The following RGPD3 variants were observed in gnomAD, a reference collection of about 807,000 sequenced individuals.
The protein encoded by RGPD3 is ranBP2-like and GRIP domain-containing protein 3.
RGPD3 carries 62 observed loss-of-function variants against 154.5 expected under a neutral mutation model. The observed-to-expected ratio is 0.40, with a 90% CI of 0.33 to 0.50. The LOEUF is 0.50. RGPD3 is among the 20% of genes least tolerant of loss of function. RGPD3 has a pLI of 0.59. For synonymous variants in RGPD3, 308 were observed against 607.0 expected (o/e 0.51, Z 7.24); for missense variants, 919 against 1,716.8 (o/e 0.54, Z 8.21).
intron 6 of RGPD3, among the ~76,000 whole-genome samples, chr2:106,450,705 CAAAAAAAAAAAAA>C (rs768839840): frequency 1.8e-4 from 8 of 43,246 alleles, no homozygotes; most frequent in East Asian, 5.0e-3. Flanking sequence ...GACTCTGTCT[CAAAAAAAAAAAAA>C]AAAAAAAAAA....
chr2:106,449,627 C>T (rs1379337838), intron 6 of RGPD3, among the ~76,000 whole-genome samples: 2 of 151,972 alleles, frequency 1.3e-5, no homozygotes, highest in Non-Finnish European at 2.9e-5. Context: ...CCTGCAATCC[C>T]AGCACTTTGG....
At chr2:106,468,535 G>A (rs921598666), upstream of RGPD3, among the ~76,000 whole-genome samples, 2 of 152,190 alleles carry the variant, frequency 1.3e-5, no homozygotes, top group South Asian at 2.1e-4. Context: ...GCCGGGCGCC[G>A]TGGCTCACGC....
intron 22 of RGPD3, chr2:106,412,654 G>A (rs1283378814): frequency 1.2e-5 from 5 of 414,612 alleles, no homozygotes; most frequent in Non-Finnish European, 1.9e-5. Flanking sequence ...GTGGACTGCT[G>A]TATATAGACC....
chr2:106,457,009 T>C lies in RGPD3; in HGVS notation c.367A>G (p.Lys123Glu). ...ATTGCAGGACTTCCTGGGAAAAGTT[T>C]TGCTGCTCTTTCCACCCAGTATTCT... Reference protein sequence around the residue: ...RAEYWVERAAKLFPGSPAIYK... With the variant: ...RAEYWVERAAELFPGSPAIYK... Residue 123 changes from lysine (K) to glutamate (E), a missense_variant, in exon 4 of 23, where the codon AAA becomes GAA. Transcript: ENST00000409886. 6.2e-7 allele frequency: 1 copy of C among 1,611,412 alleles called. No homozygotes were observed. Among genetic ancestry groups the C allele is most frequent in the Non-Finnish European group, 8.5e-7 (1 of 1,179,542 alleles).
intron 7 of RGPD3, among the ~76,000 whole-genome samples, chr2:106,444,640 C>T (rs1397632249): frequency 3.6e-5 from 5 of 137,060 alleles, no homozygotes. Flanking sequence ...GCCTGGGAAA[C>T]ATAGCAAGAC....
At chr2:106,437,643 A>T (rs1160552454) in intron 9 of RGPD3, among the ~76,000 whole-genome samples, 1 of 152,244 alleles carries the variant, frequency 6.6e-6, no homozygotes, top group Non-Finnish European at 1.5e-5. Context: ...AATTCTGTTT[A>T]TAGGTATCTC....
intron 22 of RGPD3, among the ~76,000 whole-genome samples, chr2:106,412,293 GTTTTTTTTTTTTTT>G (rs772813472): frequency 6.1e-3 from 276 of 44,978 alleles, no homozygotes; most frequent in Middle Eastern, 0.054. Flanking sequence ...CTACATCATA[GTTTTTTTTTTTTTT>G]TTTTTTTTTT....
At chr2:106,448,852 A>G (rs62152516) in intron 6 of RGPD3, among the ~76,000 whole-genome samples, 34,417 of 146,394 alleles carry the variant, frequency 0.24, 4,341 homozygotes, top group Non-Finnish European at 0.27. Context: ...CAACATGCCC[A>G]GCTAATTTTT....
chr2:106,426,648 A>C (rs879711732), intron 18 of RGPD3, among the ~76,000 whole-genome samples: 140 of 152,208 alleles, frequency 9.2e-4, no homozygotes, highest in Non-Finnish European at 1.6e-3. Flanking sequence ...ACAGATGTAC[A>C]AACTGTCTGC....
intron 21 of RGPD3, among the ~76,000 whole-genome samples, chr2:106,414,806 T>C (rs1214038931): frequency 6.6e-6 from 1 of 150,834 alleles, no homozygotes; most frequent in Non-Finnish European, 1.5e-5. Flanking sequence ...GAATTCGGCT[T>C]TAAAATAATC....
intron 1 of RGPD3, among the ~76,000 whole-genome samples, chr2:106,467,377 C>G (rs1198966535): frequency 8.9e-6 from 1 of 111,888 alleles, no homozygotes. Context: ...CAACAGAGCG[C>G]GCCAGGGAGC....
intron 1 of RGPD3, among the ~76,000 whole-genome samples, chr2:106,460,840 TAAAAAAAAAAAAA>T (rs1159855256): frequency 3.3e-5 from 2 of 60,452 alleles, no homozygotes; most frequent in African/African-American, 8.0e-5. Context: ...TTCCATCTCA[TAAAAAAAAAAAAA>T]AAAAAAAAAA....
At position 106,445,295 on chromosome 2, in the gene RGPD3, A is replaced by T. The variant is rs1444702532; in HGVS notation, c.978+2123T>A. On this transcript the variant is annotated intron_variant, in intron 7 of 22. Coordinates refer to ENST00000409886, the MANE Select transcript of RGPD3 (RefSeq NM_001144013.2). ...CAGAGTGAGACTCCGTCTCAAAAAA[A>T]AAAAATAAAATAAATAAAAATAAGA... is the stretch of plus-strand genomic sequence containing the variant. 2.6e-5 allele frequency among the ~76,000 whole-genome samples: 4 copies of T among 151,736 alleles called. No homozygotes were observed. The East Asian group carries it at 7.8e-4, about 30-fold the overall frequency.
chr2:106,403,962 A>C lies in RGPD3; in HGVS notation c.*1257T>G, dbSNP rs1398513295. ...CTATGTGATTAATACATAAATATTA[A>C]AAATTATCCAATTTTTGATTTAAGA... On this transcript the variant is annotated 3_prime_UTR_variant, in exon 23 of 23. Transcript: ENST00000409886. Among the ~76,000 whole-genome samples the C allele has an allele frequency of 4.6e-5, 7 of 152,248 alleles. No homozygotes were observed. The highest frequency in any genetic ancestry group is 8.8e-5 in the Non-Finnish European group (6 of 68,046).
chr2:106,442,497 GAAAA>G (rs200777302), intron 7 of RGPD3, among the ~76,000 whole-genome samples: 713 of 97,406 alleles, frequency 7.3e-3, no homozygotes, highest in Non-Finnish European at 0.01. Flanking sequence ...AATAACCTAT[GAAAA>G]AAAAAAAAAA....
chr2:106,413,472 A>G (rs1464738963), intron 21 of RGPD3, among the ~76,000 whole-genome samples, 187 bp from the exon 22 acceptor site: 1 of 152,146 alleles, frequency 6.6e-6, no homozygotes, highest in Non-Finnish European at 1.5e-5. Flanking sequence ...TTATGACATC[A>G]TCGTATAAAA....
chr2:106,448,703 G>C (rs925683736), intron 6 of RGPD3, among the ~76,000 whole-genome samples: 19 of 150,892 alleles, frequency 1.3e-4, no homozygotes, highest in African/African-American at 4.1e-4. Context: ...TTTTGTTTTT[G>C]TTTTTGGAGA....
At chr2:106,408,861 A>T (rs1306671645) in intron 22 of RGPD3, among the ~76,000 whole-genome samples, 3 of 151,158 alleles carry the variant, frequency 2.0e-5, no homozygotes, top group Non-Finnish European at 3.0e-5. Flanking sequence ...ATATTTTAAA[A>T]TTTTTGTAGA....
chr2:106,410,776 G>A (rs1676646598), intron 22 of RGPD3, among the ~76,000 whole-genome samples: 2 of 151,680 alleles, frequency 1.3e-5, no homozygotes, highest in Admixed American at 1.3e-4. Context: ...ACTTTTGTTA[G>A]AATAAATTAA....
Sources: gnomAD v4.1 joint callset for allele counts (sites outside exome capture counted in the v4.1 genomes callset) on GRCh38, gnomAD v4.1.1 for gene constraint, MANE v1.5 for transcripts, NCBI Gene and HGNC (gene_info 2026-07-23, HGNC 2026-07-21) for gene names.